The following CRTAC1 variants were observed in gnomAD, a reference collection of about 807,000 sequenced individuals.
The protein encoded by CRTAC1 is acidic secreted protein in cartilage.
CRTAC1 carries 37 observed loss-of-function variants against 67.8 expected under a neutral mutation model. The observed-to-expected ratio is 0.55, with a 90% CI of 0.42 to 0.72. CRTAC1 has a LOEUF of 0.72. Among genes scored for constraint, CRTAC1 ranks in the 30% least tolerant of loss-of-function variants. The pLI is 0.00. For missense variants in CRTAC1, 780 were observed against 931.6 expected, an observed-to-expected ratio of 0.84 and a Z score of 2.12; for synonymous variants, 348 against 371.0, an observed-to-expected ratio of 0.94 and a Z score of 0.71.
intron 6 of CRTAC1, among the ~76,000 whole-genome samples, chr10:97,905,019 A>G (rs7084857): frequency 0.089 from 13,495 of 151,800 alleles, 729 homozygotes; most frequent in African/African-American, 0.14. Context: ...AAGAAGACCC[A>G]AGACTTGTGT....
intron 2 of CRTAC1, among the ~76,000 whole-genome samples, chr10:98,005,387 G>A (rs1257536709): frequency 6.6e-6 from 1 of 150,618 alleles, no homozygotes; most frequent in Non-Finnish European, 1.5e-5. Context: ...TTACAGGCGT[G>A]AGCCACCATG....
chr10:97,886,178 G>A (rs1442375643), intron 11 of CRTAC1, among the ~76,000 whole-genome samples: 1 of 152,168 alleles, frequency 6.6e-6, no homozygotes, highest in African/African-American at 2.4e-5. Flanking sequence ...CCATGATGAG[G>A]GAGGTTCCAG....
At chr10:97,955,031 C>T (rs2051419250) in intron 2 of CRTAC1, among the ~76,000 whole-genome samples, 1 of 152,158 alleles carries the variant, frequency 6.6e-6, no homozygotes, top group African/African-American at 2.4e-5. Flanking sequence ...CTTATTTTCC[C>T]ATAAAACCTA....
intron 2 of CRTAC1, among the ~76,000 whole-genome samples, chr10:97,950,246 CAGAGAGAGAGAGAGAGAGAG>C (rs71007371): frequency 8.8e-6 from 1 of 113,382 alleles, no homozygotes; most frequent in Admixed American, 9.1e-5. Context: ...CACACACACA[CAGAGAGAGAGAGAGAGAGAG>C]AGAGAGAGAG....
Position 97,924,324 on chromosome 10 carries a change from C to T in CRTAC1, c.422-924G>A, listed in dbSNP as rs149350800. On this transcript the variant is annotated intron_variant, in intron 3 of 14. Transcript: ENST00000370597. ...AATGTTCGTAGTTTAGGGGGGTCCT[C>T]GTTCTACCCCCTGGGCTGGACAGGA... Among the ~76,000 whole-genome samples, 588 of 152,274 alleles carry T rather than the reference C, an allele frequency of 3.9e-3. 2 individuals are homozygous for T. The highest frequency in any genetic ancestry group is 0.013 in the African/African-American group (528 of 41,532).
chr10:98,003,461 G>A (rs1418820965), intron 2 of CRTAC1, among the ~76,000 whole-genome samples: 5 of 152,188 alleles, frequency 3.3e-5, no homozygotes, highest in Admixed American at 1.3e-4. Context: ...TCTGGAGGCC[G>A]CCCACATTCC....
intron 2 of CRTAC1, among the ~76,000 whole-genome samples, chr10:97,989,615 A>T (rs947405771): frequency 1.3e-5 from 2 of 152,240 alleles, no homozygotes; most frequent in African/African-American, 4.8e-5. Flanking sequence ...CATGTGGTTC[A>T]CCTTTGGCCA....
At chr10:97,963,643 T>C (rs948417554) in intron 2 of CRTAC1, among the ~76,000 whole-genome samples, 3 of 152,192 alleles carry the variant, frequency 2.0e-5, no homozygotes, top group African/African-American at 7.2e-5. Context: ...TCACAGCCTA[T>C]AAAAAAATAG....
chr10:98,015,760 A>C (rs1215692602), intron 1 of CRTAC1, among the ~76,000 whole-genome samples: 1 of 152,232 alleles, frequency 6.6e-6, no homozygotes, highest in East Asian at 1.9e-4. Flanking sequence ...TCTTGTTAGA[A>C]TGCAGATTCT....
intron 11 of CRTAC1, among the ~76,000 whole-genome samples, chr10:97,886,951 C>CTT (rs537202029): frequency 4.2e-5 from 6 of 143,802 alleles, no homozygotes; most frequent in African/African-American, 1.0e-4. Context: ...GGCCAGATTT[C>CTT]TTTTTTTTTT....
At chr10:97,988,408 C>T (rs1468873210) in intron 2 of CRTAC1, among the ~76,000 whole-genome samples, 1 of 152,310 alleles carries the variant, frequency 6.6e-6, no homozygotes, top group African/African-American at 2.4e-5. Flanking sequence ...CATGGGTAGA[C>T]ACAAGGTGGG....
intron 8 of CRTAC1, among the ~76,000 whole-genome samples, chr10:97,899,465 C>T (rs1396627877): frequency 1.3e-5 from 2 of 152,160 alleles, no homozygotes; most frequent in East Asian, 1.9e-4. Flanking sequence ...ACTAGGTTCT[C>T]GGGCCACAGA....
intron 2 of CRTAC1, among the ~76,000 whole-genome samples, chr10:98,003,785 G>A (rs1842736144): frequency 6.6e-6 from 1 of 152,178 alleles, no homozygotes; most frequent in African/African-American, 2.4e-5. Context: ...GTGTATGTGT[G>A]CATGTGTGTC....
intron 1 of CRTAC1, among the ~76,000 whole-genome samples, chr10:98,027,671 T>A (rs1843264913): frequency 6.6e-6 from 1 of 152,090 alleles, no homozygotes; most frequent in Non-Finnish European, 1.5e-5. Context: ...TTCTATGACC[T>A]GTGTATGTCC....
chr10:97,876,712 C>G (rs1457730899), intron 14 of CRTAC1, among the ~76,000 whole-genome samples: 1 of 152,098 alleles, frequency 6.6e-6, no homozygotes, highest in Non-Finnish European at 1.5e-5. Flanking sequence ...GGCTAAGGGA[C>G]AGGGAAAAGA....
chr10:97,922,253 C>T (rs1418189153), intron 4 of CRTAC1, among the ~76,000 whole-genome samples: 1 of 152,210 alleles, frequency 6.6e-6, no homozygotes, highest in South Asian at 2.1e-4. Flanking sequence ...TGTGGCTTCA[C>T]AGCCCAGCTT....
intron 2 of CRTAC1, among the ~76,000 whole-genome samples, chr10:97,951,992 A>G (rs900729111): frequency 2.6e-5 from 4 of 152,226 alleles, no homozygotes; most frequent in African/African-American, 9.6e-5. Context: ...GCTGGTCTGG[A>G]TCAGCCTGAC....
chr10:97,995,390 C>A (rs565773123), intron 2 of CRTAC1, among the ~76,000 whole-genome samples: 15 of 152,158 alleles, frequency 9.9e-5, no homozygotes, highest in Non-Finnish European at 1.5e-4. Context: ...GAAGAGAGTT[C>A]GAGCATCTCT....
chr10:97,882,930 T>C, intron 12 of CRTAC1, 102 bp from the exon 13 acceptor site: 7 of 1,172,280 alleles, frequency 6.0e-6, no homozygotes, highest in Non-Finnish European at 8.8e-6. Context: ...CTAACCACAG[T>C]GTGAGGCATG....
Sources: gnomAD v4.1 joint callset for allele counts (sites outside exome capture counted in the v4.1 genomes callset) on GRCh38, gnomAD v4.1.1 for gene constraint, MANE v1.5 for transcripts, NCBI Gene and HGNC (gene_info 2026-07-23, HGNC 2026-07-21) for gene names.